Variants in FAM131A observed in about 807,000 individuals in gnomAD.
The protein encoded by FAM131A is protein FAM131A.
A neutral mutation model predicts 39.2 loss-of-function variants in FAM131A; 24 were observed. The ratio of observed to expected loss-of-function variants is 0.61; its 90% CI spans 0.44 to 0.86. The LOEUF is 0.86. Ranked by LOEUF, FAM131A falls within the 40% of genes least tolerant of loss-of-function variation. The pLI, the probability that FAM131A is intolerant of heterozygous loss-of-function variation, is 0.00. For synonymous variants in FAM131A, 202 were observed against 206.8 expected, an observed-to-expected ratio of 0.98 and a Z score of 0.20; for missense variants, 373 against 481.2, an observed-to-expected ratio of 0.78 and a Z score of 2.10.
rs959103735 is a variant in FAM131A, at chr3:184,341,885, A to C, written c.325+68A>C. ...CCTCCCGTTTGCACATCCCTTTGGA[A>C]CTGTTTCCTGTGAGTACATGCTGGG... On this transcript the variant is annotated intron_variant, in intron 3 of 5. Coordinates refer to ENST00000383847, the MANE Select transcript of FAM131A (RefSeq NM_144635.5). The C allele has an allele frequency of 3.2e-6, 5 of 1,571,720 alleles. No homozygotes were observed. In the Admixed American group the frequency reaches 6.7e-5, roughly 21 times the overall value.
At position 184,345,399 on chromosome 3, in the gene FAM131A, C is replaced by G. The variant is rs1189168456; in HGVS notation, c.*429C>G. ...TCTTCTCTGCTTTTCTTCTCACTTCCGAGTCCATGTGCAGTGCTTGATAGA... is the reference window on the plus strand; with the variant it reads ...TCTTCTCTGCTTTTCTTCTCACTTCGGAGTCCATGTGCAGTGCTTGATAGA... On this transcript the variant is annotated 3_prime_UTR_variant, in exon 6 of 6. Transcript: ENST00000383847. 1 of 631,778 alleles carries G rather than the reference C, an allele frequency of 1.6e-6. No homozygotes were observed. Among genetic ancestry groups the G allele is most frequent in the East Asian group, 2.8e-5 (1 of 36,328 alleles). 39.1% of individuals were successfully genotyped at this position (631,778 alleles called of 1,614,324 possible).
At chr3:184,340,063 C>T (rs1727303799) in intron 2 of FAM131A, 1 of 152,238 alleles carries the variant, frequency 6.6e-6, no homozygotes, top group Non-Finnish European at 1.5e-5. Flanking sequence ...ACAATCTTGG[C>T]TCACTGCAAT....
chr3:184,338,580 G>A, intron 2 of FAM131A, 51 bp downstream of exon 2: 1 of 1,519,038 alleles, frequency 6.6e-7, no homozygotes, highest in Non-Finnish European at 8.8e-7. Context: ...CATATAAAGG[G>A]GATCTGCAGC....
At position 184,345,458 on chromosome 3, in the gene FAM131A, T is replaced by C; in HGVS notation, c.*488T>C. The C allele has an allele frequency of 2.9e-6, 2 of 695,412 alleles. No individual in the cohort carries two copies. The highest frequency in any genetic ancestry group is 1.8e-5 in the African/African-American group (1 of 56,566). The allele number at this position is 695,412 out of a possible 1,614,324, so 43.1% of individuals were successfully genotyped here. A position where few individuals can be genotyped will look rare whatever the true frequency, so the allele number is the denominator to read the frequency against. On this transcript the variant is annotated 3_prime_UTR_variant, in exon 6 of 6. Coordinates refer to ENST00000383847, the MANE Select transcript of FAM131A (RefSeq NM_144635.5). The stretch of plus-strand genomic sequence containing the variant: ...CACCTGGAGGGGCTGGCTCCTGCCC[T>C]CCCGGAGCCTATGGGTTGAGCCGTC...
At chr3:184,341,654 G>C in intron 2 of FAM131A, 70 bp from the exon 3 acceptor site, 1 of 1,315,046 alleles carries the variant, frequency 7.6e-7, no homozygotes, top group Admixed American at 1.9e-5. Flanking sequence ...GCCTTTGCTG[G>C]GTATGGGCAT....
At position 184,341,745 on chromosome 3, in the gene FAM131A, G is replaced by A. The variant is rs545636303; in HGVS notation, c.253G>A (p.Ala85Thr). Residue 85 changes from alanine (A) to threonine (T), a missense_variant, in exon 3 of 6, where the codon GCG becomes ACG. Physicochemically the swap from Ala to Thr is moderately conservative, Grantham distance 58. Around this residue, in one of 2 missense-constraint regions of FAM131A, gnomAD observed 221 missense variants for 347.7 expected, o/e 0.64. Coordinates refer to ENST00000383847, the MANE Select transcript of FAM131A (RefSeq NM_144635.5). Reference protein sequence around the residue: ...LPEVNVGDTVAMLPKSRRALT... With the variant: ...LPEVNVGDTVTMLPKSRRALT... Reference sequence around the variant, plus strand: ...CAAGGTGAATGTTGGAGACACAGTCGCGATGCTGCCCAAGTCCCGGCGAGC... The same window carrying A: ...CAAGGTGAATGTTGGAGACACAGTCACGATGCTGCCCAAGTCCCGGCGAGC... 14 of 1,610,032 alleles carry A rather than the reference G, an allele frequency of 8.7e-6. No individual in the cohort carries two copies. The highest frequency in any genetic ancestry group is 2.2e-5 in the South Asian group (2 of 91,084).
Position 184,341,061 on chromosome 3 carries a change from G to C in FAM131A, c.232-663G>C, listed in dbSNP as rs138830056. 7.7e-3 allele frequency: 1,193 copies of C among 154,952 alleles called. 11 individuals are homozygous for C. The highest frequency in any genetic ancestry group is 0.027 in the African/African-American group (1,133 of 41,576). 9.6% of individuals were successfully genotyped at this position (154,952 alleles called of 1,614,324 possible). On this transcript the variant is annotated intron_variant, in intron 2 of 5. Coordinates refer to ENST00000383847, the MANE Select transcript of FAM131A (RefSeq NM_144635.5). ...GCCGACCTGGGCAGGAGGCATTGAG[G>C]GCTTGAGAAAGGGCAATGGCAGTAG...
chr3:184,343,633 T>TG (rs1727480650), intron 5 of FAM131A, among the ~76,000 whole-genome samples: 1 of 152,252 alleles, frequency 6.6e-6, no homozygotes. Context: ...TGGAGACTGC[T>TG]GCTGTGGTCT....
chr3:184,342,328 G>A lies in FAM131A; in HGVS notation c.508+80G>A, dbSNP rs930694328. 7.5e-6 allele frequency: 11 copies of A among 1,461,334 alleles called. No individual in the cohort carries two copies. The highest frequency in any genetic ancestry group is 9.9e-6 in the Non-Finnish European group (11 of 1,107,278). The allele number at this position is 1,461,334 out of a possible 1,614,324, so 90.5% of individuals were successfully genotyped here. A position where few individuals can be genotyped will look rare whatever the true frequency, so the allele number is the denominator to read the frequency against. On this transcript the variant is annotated intron_variant, in intron 4 of 5. Transcript: ENST00000383847. The surrounding 1 kb of genome is among the most constrained non-coding windows in gnomAD (Gnocchi z 4.6). ...TTTATTTTATTTAATTTTTTTTTGA[G>A]ACGGAGTCTCACTCTGTCGCCCAGG...
chr3:184,338,089 G>A (rs1232420002), intron 1 of FAM131A, among the ~76,000 whole-genome samples: 2 of 152,124 alleles, frequency 1.3e-5, no homozygotes, highest in African/African-American at 4.8e-5. Flanking sequence ...GAATGGGTAG[G>A]CTGGGAAACG....
chr3:184,336,125 T>G (rs906869225), upstream of FAM131A: 3 of 151,410 alleles, frequency 2.0e-5, no homozygotes, highest in East Asian at 2.0e-4. The surrounding 1 kb of genome is among the most constrained non-coding windows in gnomAD (Gnocchi z 5.5). Flanking sequence ...CGGGTCAGGG[T>G]AAGAGGCGGA....
Position 184,345,092 on chromosome 3 carries a change from G to C in FAM131A, c.*122G>C. On this transcript the variant is annotated 3_prime_UTR_variant, in exon 6 of 6. Coordinates refer to ENST00000383847, the MANE Select transcript of FAM131A (RefSeq NM_144635.5). ...CACAGCCTAGAGGGCTCCTGGGAGCGCTCGCTTCTCCGTTGTGTGTTTTGC... is the reference window on the plus strand; with the variant it reads ...CACAGCCTAGAGGGCTCCTGGGAGCCCTCGCTTCTCCGTTGTGTGTTTTGC... 3 of 929,162 alleles carry C rather than the reference G, an allele frequency of 3.2e-6. No homozygotes were observed. The highest frequency in any genetic ancestry group is 4.7e-6 in the Non-Finnish European group (3 of 640,760). 57.6% of individuals were successfully genotyped at this position (929,162 alleles called of 1,614,324 possible).
chr3:184,338,303 G>T (rs938641642), intron 1 of FAM131A, 84 bp from the exon 2 acceptor site: 2 of 1,356,208 alleles, frequency 1.5e-6, no homozygotes, highest in South Asian at 1.7e-5. Context: ...GAGGGGCCGA[G>T]AAATGATACG....
upstream of FAM131A, chr3:184,337,148 T>C (rs957394472): frequency 6.5e-6 from 1 of 154,520 alleles, no homozygotes; most frequent in African/African-American, 2.4e-5. Flanking sequence ...CTGACTGCTC[T>C]GATCTCTCTG....
In FAM131A at chr3:184,342,212, C is replaced by G. The variant is rs1727416447; in HGVS notation, c.472C>G (p.Leu158Val). 1 of 1,613,214 alleles carries G rather than the reference C, an allele frequency of 6.2e-7. No individual in the cohort carries two copies. The highest frequency in any genetic ancestry group is 1.7e-5 in the Admixed American group (1 of 59,986). Residue 158 changes from leucine to valine, a missense_variant, in exon 4 of 6, where the codon CTC (leucine) becomes GTC (valine). By Grantham distance (32) the Leu-to-Val change is conservative (BLOSUM62 1). Coordinates refer to ENST00000383847, the MANE Select transcript of FAM131A (RefSeq NM_144635.5). The surrounding 1 kb of genome is among the most constrained non-coding windows in gnomAD (Gnocchi z 4.6). Reference protein sequence around the residue: ...LESAFSSYSDLSEGEQEARFA... With the variant: ...LESAFSSYSDVSEGEQEARFA... ...ATCAGCCTTTTCCTCCTATTCAGACCTCAGCGAGGGCGAACAAGAGGCTCG... is the reference window on the plus strand; with the variant it reads ...ATCAGCCTTTTCCTCCTATTCAGACGTCAGCGAGGGCGAACAAGAGGCTCG...
chr3:184,343,297 C>G (rs916505746), intron 5 of FAM131A, among the ~76,000 whole-genome samples: 5 of 152,186 alleles, frequency 3.3e-5, no homozygotes, highest in Non-Finnish European at 7.3e-5. Context: ...GGCTGCAGCC[C>G]AGGTCAACAG....
At chr3:184,341,666 T>G in intron 2 of FAM131A, 58 bp from the exon 3 acceptor site, 2 of 1,466,152 alleles carry the variant, frequency 1.4e-6, no homozygotes, top group Non-Finnish European at 1.9e-6. Context: ...TATGGGCATG[T>G]TAGGGGGAAG....
At chr3:184,337,756 T>C in intron 1 of FAM131A, 38 bp downstream of exon 1, 1 of 1,527,548 alleles carries the variant, frequency 6.5e-7, no homozygotes. Flanking sequence ...TGGGAGATGA[T>C]GGGAAGCTGA....
chr3:184,342,179 G>A lies in FAM131A; in HGVS notation c.439G>A (p.Ala147Thr), dbSNP rs1220077594. Residue 147 changes from alanine to threonine, a missense_variant, in exon 4 of 6, where the codon GCC (alanine) becomes ACC (threonine). Ala to Thr is a moderately conservative substitution (Grantham distance 58). This residue lies in a region of FAM131A where 221 missense variants were observed against 347.7 expected (regional missense o/e 0.64). Transcript: ENST00000383847. This position sits in a 1 kb window ranked among gnomAD's most constrained non-coding sequence, Gnocchi z 4.6. The stretch of plus-strand genomic sequence containing the variant: ...GAGCAAGCCGAGTGACTCACCTGCT[G>A]CCCTGGAATCAGCCTTTTCCTCCTA... The part of the protein sequence containing the change: ...GWSKPSDSPA[A>T]LESAFSSYSD... 2 of 1,614,262 alleles carry A rather than the reference G, an allele frequency of 1.2e-6. No homozygotes were observed. The highest frequency in any genetic ancestry group is 1.1e-5 in the South Asian group (1 of 91,090).
Sources: gnomAD v4.1 joint callset for allele counts (sites outside exome capture counted in the v4.1 genomes callset) on GRCh38, gnomAD v4.1.1 for gene constraint, gnomAD v4.1.1 regional missense constraint, Gnocchi (gnomAD v3.1) non-coding constraint, MANE v1.5 for transcripts, NCBI Gene and HGNC (gene_info 2026-07-23, HGNC 2026-07-21) for gene names.